The following MYO16 variants were observed in gnomAD, a reference collection of about 807,000 sequenced individuals.
The protein encoded by MYO16 is myosin XVI, also known as unconventional myosin-XVI.
A neutral mutation model predicts 205.3 loss-of-function variants in MYO16; 94 were observed. The observed-to-expected ratio is 0.46, with a 90% CI of 0.39 to 0.54. The LOEUF is 0.54. Among genes scored for constraint, MYO16 ranks in the 20% least tolerant of loss-of-function variants. MYO16 has a pLI of 0.00. For missense variants in MYO16, 2,315 were observed against 2,387.5 expected, an observed-to-expected ratio of 0.97 and a Z score of 0.63; for synonymous variants, 988 against 954.0, an observed-to-expected ratio of 1.04 and a Z score of -0.66.
intron 31 of MYO16, among the ~76,000 whole-genome samples, chr13:109,134,870 AC>A (rs1876699095): frequency 6.6e-6 from 1 of 152,130 alleles, no homozygotes; most frequent in African/African-American, 2.4e-5. Context: ...GTTGGAAAGT[AC>A]CATCTGTATC....
chr13:108,741,785 A>T (rs955291688), intron 4 of MYO16, among the ~76,000 whole-genome samples: 3 of 152,230 alleles, frequency 2.0e-5, no homozygotes, highest in Non-Finnish European at 4.4e-5. Context: ...AATAGAAGTC[A>T]TTGAAGCCCA....
chr13:108,767,127 G>T lies in MYO16; in HGVS notation c.508-18508G>T, dbSNP rs188512698. Among the ~76,000 whole-genome samples, 8 of 151,984 alleles carry T rather than the reference G, an allele frequency of 5.3e-5. No homozygotes were observed. The South Asian group carries it at 1.2e-3, about 24-fold the overall frequency. On this transcript the variant is annotated intron_variant, in intron 4 of 34. Transcript: ENST00000457511. ...TTGTTTTGTTTTGTTTTGAGACAGG[G>T]AGTCTCTCTCTGTCGCCCAGGCTGG...
At chr13:108,654,524 G>C (rs1012905425) in intron 1 of MYO16, among the ~76,000 whole-genome samples, 11 of 152,098 alleles carry the variant, frequency 7.2e-5, no homozygotes, top group African/African-American at 2.7e-4. Flanking sequence ...TTTATCAGCA[G>C]CACGAAAATT....
chr13:108,953,681 C>T lies in MYO16; in HGVS notation c.1926-4007C>T, dbSNP rs146785171. The stretch of plus-strand genomic sequence containing the variant: ...GTTTTTTTGCCCTTATGTGAGATTT[C>T]GTGATGGAGTGATGTCAAAGGGAAA... On this transcript the variant is annotated intron_variant, in intron 16 of 34. Transcript: ENST00000457511. 5.5e-3 allele frequency among the ~76,000 whole-genome samples: 834 copies of T among 150,474 alleles called. 10 individuals carry two copies. The highest frequency in any genetic ancestry group is 0.018 in the African/African-American group (723 of 40,970).
chr13:108,785,491 C>T (rs1018361545), intron 4 of MYO16, 144 bp from the exon 5 acceptor site: 13 of 473,580 alleles, frequency 2.7e-5, no homozygotes, highest in South Asian at 4.8e-5. Flanking sequence ...AAAAATAATT[C>T]GAGCTTCCTA....
chr13:108,617,913 C>T (rs762284119), intron 1 of MYO16, among the ~76,000 whole-genome samples: 1 of 152,104 alleles, frequency 6.6e-6, no homozygotes, highest in Non-Finnish European at 1.5e-5. Context: ...CTTCTTCTTC[C>T]TCCACTCTCC....
the MYO16 span, among the ~76,000 whole-genome samples, chr13:108,585,199 A>G: frequency 6.6e-6 from 1 of 152,300 alleles, no homozygotes; most frequent in South Asian, 2.1e-4. Flanking sequence ...GGTCCTGAGA[A>G]CATGCACCCA....
chr13:108,745,926 G>A (rs543787074), intron 4 of MYO16, among the ~76,000 whole-genome samples: 1 of 152,100 alleles, frequency 6.6e-6, no homozygotes, highest in African/African-American at 2.4e-5. Flanking sequence ...GGTGGCTCAC[G>A]CCTGTAATCC....
the MYO16 span, among the ~76,000 whole-genome samples, chr13:108,576,609 G>A: frequency 0.033 from 4,999 of 152,224 alleles, 249 homozygotes; most frequent in African/African-American, 0.11. Flanking sequence ...TCTTAGTTAT[G>A]AGTGATTTTA....
chr13:108,762,171 G>C (rs75676617), intron 4 of MYO16, among the ~76,000 whole-genome samples: 1 of 152,100 alleles, frequency 6.6e-6, no homozygotes, highest in Non-Finnish European at 1.5e-5. Flanking sequence ...CAAAAGACAC[G>C]ATTTCATTCT....
intron 23 of MYO16, among the ~76,000 whole-genome samples, chr13:109,030,394 C>A (rs1886512305): frequency 6.6e-6 from 1 of 152,142 alleles, no homozygotes; most frequent in African/African-American, 2.4e-5. Context: ...AAAATCCAAT[C>A]TTCACATATA....
chr13:108,683,276 C>T (rs1250849920), intron 2 of MYO16, among the ~76,000 whole-genome samples: 1 of 152,136 alleles, frequency 6.6e-6, no homozygotes, highest in Non-Finnish European at 1.5e-5. Flanking sequence ...ATTATGTCCT[C>T]AATCATTTAC....
Position 109,179,521 on chromosome 13 carries a change from GATTT to G in MYO16, c.5324-20_5324-17del. The G allele has an allele frequency of 1.3e-6, 2 of 1,561,710 alleles. No individual in the cohort carries two copies. Among genetic ancestry groups the G allele is most frequent in the South Asian group, 2.2e-5 (2 of 89,880 alleles). ...AACAAGGAGACACTGCTTAACTCCC[GATTT>G]GTGTTGACCTCAATAGGTTTACCTG... On this transcript the variant is annotated splice_polypyrimidine_tract_variant and intron_variant, in intron 33 of 34. Coordinates refer to ENST00000457511, the MANE Select transcript of MYO16 (RefSeq NM_001198950.3).
Position 108,777,642 on chromosome 13 carries a change from G to A in MYO16, c.508-7993G>A, listed in dbSNP as rs140824045. The stretch of plus-strand genomic sequence containing the variant: ...GCAAGAACAAGAAGGAACATCCTGG[G>A]CCAGTGAGAGGAGCCTGTTCCTCCT... On this transcript the variant is annotated intron_variant, in intron 4 of 34. Transcript: ENST00000457511. 4.9e-4 allele frequency among the ~76,000 whole-genome samples: 74 copies of A among 152,282 alleles called. 1 individual carries two copies. The South Asian group carries it at 9.1e-3, about 19-fold the overall frequency.
chr13:108,772,966 A>T (rs373346324), intron 4 of MYO16, among the ~76,000 whole-genome samples: 1 of 152,190 alleles, frequency 6.6e-6, no homozygotes, highest in Non-Finnish European at 1.5e-5. Context: ...AAACAACAGA[A>T]CCTTATTTCT....
intron 1 of MYO16, among the ~76,000 whole-genome samples, chr13:108,612,713 G>T (rs1409943501): frequency 6.6e-6 from 1 of 151,922 alleles, no homozygotes; most frequent in East Asian, 1.9e-4. Flanking sequence ...GGTTGGGAGG[G>T]GTAGGCTCTG....
chr13:108,985,444 G>C (rs754816634), intron 20 of MYO16, among the ~76,000 whole-genome samples: 1 of 152,150 alleles, frequency 6.6e-6, no homozygotes, highest in South Asian at 2.1e-4. Context: ...TTATACTGAA[G>C]ATACCCCCAA....
intron 2 of MYO16, among the ~76,000 whole-genome samples, chr13:108,677,480 G>T (rs1248455151): frequency 6.6e-6 from 1 of 150,412 alleles, no homozygotes; most frequent in South Asian, 2.1e-4. Context: ...ATGTATATAT[G>T]ATATATATGT....
intron 4 of MYO16, among the ~76,000 whole-genome samples, chr13:108,769,575 G>A (rs1885893581): frequency 4.6e-5 from 7 of 152,170 alleles, no homozygotes; most frequent in Admixed American, 1.3e-4. Flanking sequence ...TCTGCAAAAG[G>A]TTTTGAGGTG....
Sources: gnomAD v4.1 joint callset for allele counts (sites outside exome capture counted in the v4.1 genomes callset) on GRCh38, gnomAD v4.1.1 for gene constraint, MANE v1.5 for transcripts, NCBI Gene and HGNC (gene_info 2026-07-23, HGNC 2026-07-21) for gene names.